NAALADL2: variants seen among roughly 807,000 people sequenced by gnomAD.
NAALADL2 encodes the protein N-acetylated alpha-linked acidic dipeptidase like 2.
In NAALADL2, 76 loss-of-function variants were observed where a neutral mutation model predicts 87.2. The ratio of observed to expected loss-of-function variants is 0.87; its 90% CI spans 0.72 to 1.05. The LOEUF (loss-of-function observed/expected upper bound fraction) is 1.05, where lower values mean the gene tolerates loss of function less well. Among genes scored for constraint, NAALADL2 ranks in the 50% least tolerant of loss-of-function variants. The pLI, the probability that NAALADL2 is intolerant of heterozygous loss-of-function variation, is 0.00. For synonymous variants in NAALADL2, 354 were observed against 331.0 expected, an observed-to-expected ratio of 1.07 and a Z score of -0.75; for missense variants, 1,089 against 945.8, an observed-to-expected ratio of 1.15 and a Z score of -1.99.
intron 3 of NAALADL2, among the ~76,000 whole-genome samples, chr3:174,831,673 A>G (rs1722708173): frequency 6.6e-6 from 1 of 151,280 alleles, no homozygotes. Context: ...GAATAGTTTC[A>G]GAAGGAATGG....
At chr3:175,475,880 G>A (rs1487611269) in intron 9 of NAALADL2, among the ~76,000 whole-genome samples, 1 of 152,048 alleles carries the variant, frequency 6.6e-6, no homozygotes, top group East Asian at 1.9e-4. Flanking sequence ...ACCATGCCCA[G>A]CTAATTTCTT....
chr3:174,623,089 G>C (rs1184333327), intron 2 of NAALADL2, among the ~76,000 whole-genome samples: 2 of 152,072 alleles, frequency 1.3e-5, no homozygotes, highest in African/African-American at 2.4e-5. Flanking sequence ...CATCCCTAGG[G>C]GCACTTCATA....
chr3:175,184,915 A>C (rs1737105140), intron 2 of NAALADL2, among the ~76,000 whole-genome samples: 1 of 152,080 alleles, frequency 6.6e-6, no homozygotes, highest in Non-Finnish European at 1.5e-5. Context: ...TAATTGCCCC[A>C]CCACAAATAA....
intron 1 of NAALADL2, among the ~76,000 whole-genome samples, chr3:174,890,259 T>A (rs1031140459): frequency 1.3e-5 from 2 of 152,158 alleles, no homozygotes; most frequent in Non-Finnish European, 2.9e-5. Flanking sequence ...CAGGGTAAAT[T>A]TGAAATGGAG....
In NAALADL2 at chr3:175,114,305, G is replaced by A. The variant is rs556764184; in HGVS notation, c.545+17014G>A. Among the ~76,000 whole-genome samples, 16 of 151,686 alleles carry A rather than the reference G, an allele frequency of 1.1e-4. No homozygotes were observed. The South Asian group carries it at 2.9e-3, about 28-fold the overall frequency. ...TATTGATTGTTAACACTTGGGTTTA[G>A]CATTACAGCAAAAATAACTCTAATA... On this transcript the variant is annotated intron_variant, in intron 2 of 13. Transcript: ENST00000454872.
At chr3:175,794,376 T>C (rs1245344260) in intron 13 of NAALADL2, among the ~76,000 whole-genome samples, 2 of 121,916 alleles carry the variant, frequency 1.6e-5, no homozygotes, top group East Asian at 2.4e-4. Context: ...ACCAATTAAA[T>C]GAGTGTGGAA....
intron 9 of NAALADL2, among the ~76,000 whole-genome samples, chr3:175,505,141 A>T (rs1176044623): frequency 6.6e-6 from 1 of 151,846 alleles, no homozygotes; most frequent in African/African-American, 2.4e-5. Context: ...AACTCTACCT[A>T]GTTACAAAAG....
At chr3:175,697,364 A>G (rs1737948083) in intron 11 of NAALADL2, among the ~76,000 whole-genome samples, 1 of 150,740 alleles carries the variant, frequency 6.6e-6, no homozygotes, top group South Asian at 2.1e-4. Flanking sequence ...CTGTTGAACA[A>G]CTACTTATAA....
intron 2 of NAALADL2, among the ~76,000 whole-genome samples, chr3:175,120,318 G>T (rs981427945): frequency 6.6e-6 from 1 of 151,646 alleles, no homozygotes. Flanking sequence ...TGTTTTTCTG[G>T]CATTAAAAAC....
intron 11 of NAALADL2, among the ~76,000 whole-genome samples, chr3:175,683,094 T>G (rs184427273): frequency 6.6e-6 from 1 of 151,944 alleles, no homozygotes; most frequent in Non-Finnish European, 1.5e-5. Context: ...TTGTGAGAGG[T>G]CTTTAGAAAA....
At chr3:174,657,062 C>G (rs1213547523) in intron 2 of NAALADL2, among the ~76,000 whole-genome samples, 2 of 63,490 alleles carry the variant, frequency 3.2e-5, no homozygotes, top group African/African-American at 1.3e-4. Context: ...TTTTTTTTTG[C>G]TCCGTTGCCT....
rs1264385670 is a variant in NAALADL2, at chr3:175,698,481, A to ATT, written c.1897-38823_1897-38822dup. Reference sequence around the variant, plus strand: ...TATGTGTATATATGTGTGTATATATATTTATATATATATATATATATAAAA... The same window carrying ATT: ...TATGTGTATATATGTGTGTATATATATTTTTATATATATATATATATATAAAA... On this transcript the variant is annotated intron_variant, in intron 11 of 13. Coordinates refer to ENST00000454872, the MANE Select transcript of NAALADL2 (RefSeq NM_207015.3). 2.2e-4 allele frequency among the ~76,000 whole-genome samples: 24 copies of ATT among 110,952 alleles called. 3 individuals are homozygous for ATT. Among genetic ancestry groups the ATT allele is most frequent in the African/African-American group, 1.1e-3 (23 of 21,734 alleles). The allele number at this position is 110,952 out of a possible 152,430, so 72.8% of individuals were successfully genotyped here. A position where few individuals can be genotyped will look rare whatever the true frequency, so the allele number is the denominator to read the frequency against.
At chr3:174,503,535 T>C (rs148771112) in intron 1 of NAALADL2, among the ~76,000 whole-genome samples, 2 of 152,268 alleles carry the variant, frequency 1.3e-5, no homozygotes, top group Non-Finnish European at 2.9e-5. Flanking sequence ...ACTCTATTTT[T>C]TATGAGAAGA....
chr3:175,056,682 A>G (rs949350953), intron 1 of NAALADL2, among the ~76,000 whole-genome samples: 3 of 152,246 alleles, frequency 2.0e-5, no homozygotes, highest in Non-Finnish European at 2.9e-5. Flanking sequence ...GCCAGTGATA[A>G]GCATTGTTTC....
upstream of NAALADL2, among the ~76,000 whole-genome samples, chr3:174,854,835 CTTTTTTTTTT>C (rs68116968): frequency 1.3e-4 from 15 of 112,002 alleles, no homozygotes; most frequent in South Asian, 2.7e-3. Flanking sequence ...GCTTTTTTTT[CTTTTTTTTTT>C]TTTTTTTTTT....
intron 3 of NAALADL2, among the ~76,000 whole-genome samples, chr3:174,825,782 CT>C (rs1721911751): frequency 6.6e-6 from 1 of 152,130 alleles, no homozygotes; most frequent in East Asian, 1.9e-4. Context: ...AATCCCAGCA[CT>C]TTGGGAGGCC....
At chr3:175,570,796 C>T (rs1251817136) in intron 9 of NAALADL2, among the ~76,000 whole-genome samples, 3 of 149,234 alleles carry the variant, frequency 2.0e-5, no homozygotes, top group Non-Finnish European at 4.4e-5. Flanking sequence ...AGGAGAATGG[C>T]GTGAACCCAG....
chr3:175,196,293 C>A (rs993834942), intron 2 of NAALADL2, among the ~76,000 whole-genome samples: 9 of 151,820 alleles, frequency 5.9e-5, no homozygotes, highest in South Asian at 2.1e-4. Flanking sequence ...TTTCTTGCTG[C>A]CTTAAATCCT....
chr3:175,588,169 G>A (rs1049232369), intron 10 of NAALADL2, among the ~76,000 whole-genome samples: 1 of 151,918 alleles, frequency 6.6e-6, no homozygotes, highest in Admixed American at 6.6e-5. Flanking sequence ...GGAAAAGTAT[G>A]TATATTCTTT....
Sources: allele counts gnomAD v4.1 joint callset (sites outside exome capture counted in the v4.1 genomes callset), GRCh38; gene constraint gnomAD v4.1.1; transcripts MANE v1.5; gene names NCBI Gene and HGNC (gene_info 2026-07-23, HGNC 2026-07-21).